Variants in RBM20 observed in about 807,000 individuals in gnomAD.
RBM20 encodes the protein RNA binding motif protein 20, also known as RNA-binding protein 20.
Under a neutral mutation model 110.1 loss-of-function variants are expected in RBM20, and 51 were observed. The ratio of observed to expected loss-of-function variants is 0.46; its 90% CI spans 0.37 to 0.59. The LOEUF (loss-of-function observed/expected upper bound fraction) is 0.59. Among genes scored for constraint, RBM20 ranks in the 20% least tolerant of loss-of-function variants. The pLI is 0.00. For synonymous variants in RBM20, 589 were observed against 618.2 expected (o/e 0.95, Z 0.70); for missense variants, 1,512 against 1,574.9 (o/e 0.96, Z 0.68).
intron 1 of RBM20, among the ~76,000 whole-genome samples, chr10:110,769,456 T>C (rs1315169155): frequency 6.6e-6 from 1 of 152,158 alleles, no homozygotes; most frequent in Non-Finnish European, 1.5e-5. Context: ...GGTAATATGA[T>C]GCCAAGCCAG....
chr10:110,677,155 G>C (rs1862350146), intron 1 of RBM20, among the ~76,000 whole-genome samples: 1 of 152,126 alleles, frequency 6.6e-6, no homozygotes, highest in African/African-American at 2.4e-5. Flanking sequence ...ACATGGTGGA[G>C]GAGGCTAAGC....
At chr10:110,754,103 G>T (rs1001525262) in intron 1 of RBM20, among the ~76,000 whole-genome samples, 3 of 152,098 alleles carry the variant, frequency 2.0e-5, no homozygotes, top group Admixed American at 1.3e-4. Flanking sequence ...ATCTTTGGGG[G>T]TCATTCATCT....
Position 110,784,381 on chromosome 10 carries a change from T to G in RBM20, c.1378T>G (p.Leu460Val). Residue 460 changes from leucine to valine, a missense_variant, in exon 4 of 14, where the codon TTG (leucine) becomes GTG (valine). By Grantham distance (32) the Leu-to-Val change is conservative. Transcript: ENST00000369519. Reference protein sequence around the residue: ...RCILGSAEGTLCASPNSTAVY... With the variant: ...RCILGSAEGTVCASPNSTAVY... ...TATACTTGGTTCGGCAGAGGGAACATTGTGTGCTTCTCCCAACAGCACAGC... is the reference window on the plus strand; with the variant it reads ...TATACTTGGTTCGGCAGAGGGAACAGTGTGTGCTTCTCCCAACAGCACAGC... 1 of 1,551,418 alleles carries G rather than the reference T, an allele frequency of 6.4e-7. No individual in the cohort carries two copies.
In RBM20 at chr10:110,822,923, G is replaced by C. The variant is rs1319732610; in HGVS notation, c.3317-557G>C. On this transcript the variant is annotated intron_variant, in intron 11 of 13. Transcript: ENST00000369519. Reference sequence around the variant, plus strand: ...CCCAGGCTCTGTCTAGAGAAGGCAAGAATAAAGGAGGAGTGAAATCTTCAC... The same window carrying C: ...CCCAGGCTCTGTCTAGAGAAGGCAACAATAAAGGAGGAGTGAAATCTTCAC... 2.6e-5 allele frequency among the ~76,000 whole-genome samples: 4 copies of C among 152,132 alleles called. No homozygotes were observed. The East Asian group carries it at 7.7e-4, about 29-fold the overall frequency.
At position 110,821,761 on chromosome 10, in the gene RBM20, TC is replaced by T. The variant is rs1844914867; in HGVS notation, c.3146del (p.Pro1049LeufsTer55). The part of the protein sequence containing the change: ...HPAPTVQQMS[S>X]PKPAEERARQ... ...AGCCCCTACAGTCCAGCAAATGTCT[TC>T]CCCTAAGCCAGCAGAGGAGAGGGCC... On this transcript the variant is annotated frameshift_variant, in exon 11 of 14. Transcript: ENST00000369519. LOFTEE classifies it high-confidence loss of function. 4 of 1,551,688 alleles carry T rather than the reference TC, an allele frequency of 2.6e-6. No individual in the cohort carries two copies. The highest frequency in any genetic ancestry group is 3.5e-6 in the Non-Finnish European group (4 of 1,147,008).
chr10:110,832,655 G>A (rs1318741126), intron 13 of RBM20, among the ~76,000 whole-genome samples: 1 of 152,192 alleles, frequency 6.6e-6, no homozygotes, highest in African/African-American at 2.4e-5. Context: ...ATTGGGCCTA[G>A]GATCAAATCG....
At chr10:110,831,676 A>AAAAC (rs562935577) in intron 13 of RBM20, among the ~76,000 whole-genome samples, 12 of 139,328 alleles carry the variant, frequency 8.6e-5, no homozygotes, top group Middle Eastern at 3.5e-3. Flanking sequence ...TAAAAAAAAA[A>AAAAC]AAAAAAAAAA....
chr10:110,678,809 T>C (rs1862379941), intron 1 of RBM20, among the ~76,000 whole-genome samples: 1 of 152,162 alleles, frequency 6.6e-6, no homozygotes, highest in Non-Finnish European at 1.5e-5. Context: ...ATTTTCATGA[T>C]ATGCTGCAGT....
intron 1 of RBM20, among the ~76,000 whole-genome samples, chr10:110,730,386 C>T (rs2134950090): frequency 6.6e-6 from 1 of 152,316 alleles, no homozygotes; most frequent in Non-Finnish European, 1.5e-5. Context: ...TGGAGATCCC[C>T]CGACCTCCTT....
chr10:110,664,130 C>A (rs906537727), intron 1 of RBM20, among the ~76,000 whole-genome samples: 4 of 152,064 alleles, frequency 2.6e-5, no homozygotes. Context: ...TAATGACAAA[C>A]CTAGTAGCAG....
chr10:110,654,277 T>C (rs911326915), intron 1 of RBM20, among the ~76,000 whole-genome samples: 14 of 152,242 alleles, frequency 9.2e-5, no homozygotes, highest in Non-Finnish European at 1.9e-4. Context: ...CTTGCAAATA[T>C]GTTTGCGTTG....
chr10:110,700,787 G>C (rs554556357), intron 1 of RBM20, among the ~76,000 whole-genome samples: 1 of 152,138 alleles, frequency 6.6e-6, no homozygotes, highest in Non-Finnish European at 1.5e-5. Context: ...AGGCTGAGGC[G>C]GGCGGATCAC....
intron 1 of RBM20, among the ~76,000 whole-genome samples, chr10:110,758,008 C>T (rs1843942768): frequency 1.0e-5 from 1 of 97,192 alleles, no homozygotes; most frequent in Admixed American, 1.1e-4. Flanking sequence ...AGGCAAGATC[C>T]TTGTTCTTTT....
intron 1 of RBM20, among the ~76,000 whole-genome samples, chr10:110,779,598 G>A (rs549253693): frequency 5.9e-5 from 9 of 152,332 alleles, no homozygotes; most frequent in African/African-American, 1.9e-4. Context: ...GCTTGTGATT[G>A]ACATCCAAAG....
rs184069937 is a variant in RBM20, at chr10:110,650,035, C to T, written c.191+5390C>T. 5.3e-5 allele frequency among the ~76,000 whole-genome samples: 8 copies of T among 152,212 alleles called. No individual in the cohort carries two copies. The East Asian group carries it at 1.5e-3, about 29-fold the overall frequency. On this transcript the variant is annotated intron_variant, in intron 1 of 13. Transcript: ENST00000369519. ...TAGTTTGACTGGCTCCATGGGTGGTCACTGTTTAAATTCCACCCAACTAAA... is the reference window on the plus strand; with the variant it reads ...TAGTTTGACTGGCTCCATGGGTGGTTACTGTTTAAATTCCACCCAACTAAA...
intron 1 of RBM20, among the ~76,000 whole-genome samples, chr10:110,778,202 A>G (rs1323993619): frequency 6.6e-6 from 1 of 152,148 alleles, no homozygotes; most frequent in African/African-American, 2.4e-5. Context: ...CTTCCCCCAT[A>G]TTTTAAAATG....
At chr10:110,656,107 C>A (rs933171707) in intron 1 of RBM20, among the ~76,000 whole-genome samples, 57 of 152,052 alleles carry the variant, frequency 3.7e-4, no homozygotes, top group Non-Finnish European at 5.4e-4. Flanking sequence ...TCGAGACCAG[C>A]CTGGCCAACA....
chr10:110,702,069 A>G (rs1426546104), intron 1 of RBM20, among the ~76,000 whole-genome samples: 1 of 152,136 alleles, frequency 6.6e-6, no homozygotes, highest in Non-Finnish European at 1.5e-5. Context: ...TGTGCTTTTT[A>G]GGCCTCCTCA....
At chr10:110,653,420 G>A (rs1404196133) in intron 1 of RBM20, among the ~76,000 whole-genome samples, 1 of 151,868 alleles carries the variant, frequency 6.6e-6, no homozygotes, top group Non-Finnish European at 1.5e-5. Context: ...AAAGTAATTT[G>A]CATAACTATA....
Sources: allele counts gnomAD v4.1 joint callset (sites outside exome capture counted in the v4.1 genomes callset), GRCh38; gene constraint gnomAD v4.1.1; transcripts MANE v1.5; gene names NCBI Gene and HGNC (gene_info 2026-07-23, HGNC 2026-07-21).